The following PRKCQ variants were observed in gnomAD, a reference collection of about 807,000 sequenced individuals.
PRKCQ encodes protein kinase C theta type.
PRKCQ carries 41 observed loss-of-function variants against 91.2 expected under a neutral mutation model. The observed-to-expected ratio is 0.45, with a 90% CI of 0.35 to 0.58. The LOEUF is 0.58. PRKCQ is among the 20% of genes least tolerant of loss of function. The pLI, the probability that PRKCQ is intolerant of heterozygous loss-of-function variation, is 0.00. For missense variants in PRKCQ, 673 were observed against 896.5 expected (o/e 0.75, Z 3.18); for synonymous variants, 307 against 316.9 (o/e 0.97, Z 0.33).
intron 1 of PRKCQ, among the ~76,000 whole-genome samples, chr10:6,528,325 C>G (rs1375054517): frequency 1.3e-5 from 2 of 152,106 alleles, no homozygotes; most frequent in Non-Finnish European, 2.9e-5. Flanking sequence ...CCACCCTCCT[C>G]TTCTCATGTT....
chr10:6,552,602 T>C (rs1243162972), intron 1 of PRKCQ, among the ~76,000 whole-genome samples: 1 of 152,056 alleles, frequency 6.6e-6, no homozygotes, highest in Non-Finnish European at 1.5e-5. Context: ...CTAGTTACAC[T>C]GCAGGCATGC....
chr10:6,562,617 C>G (rs949033076), intron 1 of PRKCQ, among the ~76,000 whole-genome samples: 1 of 152,142 alleles, frequency 6.6e-6, no homozygotes, highest in Non-Finnish European at 1.5e-5. Context: ...AGAATTAACT[C>G]CAATGTCAGG....
At position 6,556,783 on chromosome 10, in the gene PRKCQ, C is replaced by T. The variant is rs115303705; in HGVS notation, c.-10+23428G>A. 4.1e-3 allele frequency among the ~76,000 whole-genome samples: 621 copies of T among 152,188 alleles called. 2 individuals carry two copies. The highest frequency in any genetic ancestry group is 0.014 in the African/African-American group (586 of 41,516). On this transcript the variant is annotated intron_variant, in intron 1 of 17. Transcript: ENST00000263125. ...ATCTTATTCCTGGCCTGTTTATTTTCCAATTTCCTAAACGGGCTGTCCCAC... is the reference window on the plus strand; with the variant it reads ...ATCTTATTCCTGGCCTGTTTATTTTTCAATTTCCTAAACGGGCTGTCCCAC...
chr10:6,433,979 C>T (rs370348991), intron 16 of PRKCQ, among the ~76,000 whole-genome samples: 80 of 143,610 alleles, frequency 5.6e-4, no homozygotes, highest in African/African-American at 1.5e-3. Context: ...TGCAGTGAGC[C>T]GAGATCGCAC....
chr10:6,578,429 A>G (rs554097239), intron 1 of PRKCQ, among the ~76,000 whole-genome samples: 13 of 152,352 alleles, frequency 8.5e-5, no homozygotes, highest in African/African-American at 3.1e-4. Flanking sequence ...GTGTAGAAGA[A>G]AATCGCAGGT....
intron 15 of PRKCQ, among the ~76,000 whole-genome samples, chr10:6,448,090 G>A (rs915414738): frequency 5.9e-5 from 9 of 152,338 alleles, no homozygotes; most frequent in South Asian, 2.1e-4. Context: ...AACAAAAGAC[G>A]CCCAGAGGTG....
At chr10:6,517,330 G>C (rs1259178651) in intron 1 of PRKCQ, among the ~76,000 whole-genome samples, 1 of 68,374 alleles carries the variant, frequency 1.5e-5, no homozygotes, top group Non-Finnish European at 2.9e-5. Flanking sequence ...TTTTAAATTA[G>C]CAAGTTTTGT....
intron 1 of PRKCQ, among the ~76,000 whole-genome samples, chr10:6,553,712 T>C (rs1382725736): frequency 6.6e-6 from 1 of 152,134 alleles, no homozygotes; most frequent in Non-Finnish European, 1.5e-5. Context: ...ATAGAATACA[T>C]GCAAAGCAAT....
chr10:6,486,888 T>A (rs568240716), intron 8 of PRKCQ, among the ~76,000 whole-genome samples: 1 of 151,792 alleles, frequency 6.6e-6, no homozygotes, highest in South Asian at 2.1e-4. Flanking sequence ...AGCCGGAGTG[T>A]ATATGTGGGA....
chr10:6,536,098 C>T (rs1488107425), intron 1 of PRKCQ, among the ~76,000 whole-genome samples: 4 of 152,042 alleles, frequency 2.6e-5, no homozygotes, highest in African/African-American at 7.3e-5. Flanking sequence ...TGTGTGTGTC[C>T]GTGGAATGAG....
chr10:6,576,956 T>C lies in PRKCQ; in HGVS notation c.-10+3255A>G, dbSNP rs933111650. Among the ~76,000 whole-genome samples the C allele has an allele frequency of 6.6e-6, 1 of 152,150 alleles. No homozygotes were observed. The highest frequency in any genetic ancestry group is 1.5e-5 in the Non-Finnish European group (1 of 68,022). On this transcript the variant is annotated intron_variant, in intron 1 of 17. Coordinates refer to ENST00000263125, the MANE Select transcript of PRKCQ (RefSeq NM_006257.5). This position sits in a 1 kb window ranked among gnomAD's most constrained non-coding sequence, Gnocchi z 4.2. ...GGTTAAATGAAGCAGTAATGCCTCT[T>C]ACATATAAATAAAATTCTGAGTATG...
At chr10:6,507,986 A>G (rs1021799710) in intron 3 of PRKCQ, among the ~76,000 whole-genome samples, 5 of 152,174 alleles carry the variant, frequency 3.3e-5, no homozygotes, top group Admixed American at 6.5e-5. Context: ...AGGGCATTCA[A>G]TGGGGATGGC....
At chr10:6,491,925 T>A in intron 7 of PRKCQ, 113 bp from the exon 8 acceptor site, 1 of 1,445,204 alleles carries the variant, frequency 6.9e-7, no homozygotes, top group Non-Finnish European at 9.6e-7. Flanking sequence ...ACTGGCATTG[T>A]GTGCATTTTA....
chr10:6,514,125 T>C (rs1838629990), intron 2 of PRKCQ, among the ~76,000 whole-genome samples: 1 of 152,184 alleles, frequency 6.6e-6, no homozygotes, highest in Non-Finnish European at 1.5e-5. Flanking sequence ...TAAACACTTT[T>C]GTGTAAGTGA....
At chr10:6,438,365 A>T (rs1429838887) in intron 16 of PRKCQ, among the ~76,000 whole-genome samples, 1 of 152,262 alleles carries the variant, frequency 6.6e-6, no homozygotes, top group Non-Finnish European at 1.5e-5. Flanking sequence ...GTGAAAAAAG[A>T]TGAGCCTGCT....
the PRKCQ span, among the ~76,000 whole-genome samples, chr10:6,413,342 ACTT>A: frequency 3.3e-5 from 5 of 152,130 alleles, no homozygotes; most frequent in Non-Finnish European, 7.3e-5. Context: ...AAATATTAAA[ACTT>A]CTCATCAATG....
At chr10:6,490,506 G>A (rs908541494) in intron 8 of PRKCQ, among the ~76,000 whole-genome samples, 4 of 149,182 alleles carry the variant, frequency 2.7e-5, no homozygotes, top group East Asian at 4.0e-4. Context: ...AGACAAGATC[G>A]CTTGAACCCA....
intron 12 of PRKCQ, among the ~76,000 whole-genome samples, chr10:6,474,902 G>T (rs149899280): frequency 6.6e-6 from 1 of 152,122 alleles, no homozygotes; most frequent in African/African-American, 2.4e-5. Flanking sequence ...ACTGAAGGGG[G>T]TACTGAGAAG....
intron 10 of PRKCQ, 95 bp downstream of exon 10, chr10:6,485,057 C>T (rs1471229707): frequency 9.3e-7 from 1 of 1,079,122 alleles, no homozygotes; most frequent in Non-Finnish European, 1.4e-6. Context: ...ACCTATCAGA[C>T]CAGGTAAGCT....
Sources: gnomAD v4.1 joint callset for allele counts (sites outside exome capture counted in the v4.1 genomes callset) on GRCh38, gnomAD v4.1.1 for gene constraint, Gnocchi (gnomAD v3.1) non-coding constraint, MANE v1.5 for transcripts, NCBI Gene and HGNC (gene_info 2026-07-23, HGNC 2026-07-21) for gene names.